Variants in FIP1L1 observed in about 807,000 individuals in gnomAD.
FIP1L1 encodes pre-mRNA 3'-end-processing factor FIP1.
A neutral mutation model predicts 84.6 loss-of-function variants in FIP1L1; 21 were observed. The ratio of observed to expected loss-of-function variants is 0.25; its 90% confidence interval spans 0.18 to 0.36. The LOEUF (loss-of-function observed/expected upper bound fraction) is 0.36. Among genes scored for constraint, FIP1L1 ranks in the 10% least tolerant of loss-of-function variants. The pLI is 1.00. For synonymous variants in FIP1L1, 263 were observed against 242.3 expected, an observed-to-expected ratio of 1.09 and a Z score of -0.80; for missense variants, 526 against 751.1, an observed-to-expected ratio of 0.70 and a Z score of 3.50.
chr4:53,413,411 G>A (rs1006039745), intron 10 of FIP1L1, among the ~76,000 whole-genome samples: 1 of 152,058 alleles, frequency 6.6e-6, no homozygotes, highest in Admixed American at 6.5e-5. Flanking sequence ...AAATTTCCAT[G>A]TGTGTTTTTT....
At position 53,403,550 on chromosome 4, in the gene FIP1L1, A is replaced by C. The variant is rs568061796; in HGVS notation, c.815+3711A>C. Among the ~76,000 whole-genome samples the C allele has an allele frequency of 2.0e-5, 3 of 152,146 alleles. No individual in the cohort carries two copies. In the South Asian group the frequency reaches 6.2e-4, roughly 32 times the overall value. Reference sequence around the variant, plus strand: ...AAAATCCGTGCTTCGGATTTGACAAACTCTTGGAAAGCATTTTCTGTATCC... The same window carrying C: ...AAAATCCGTGCTTCGGATTTGACAACCTCTTGGAAAGCATTTTCTGTATCC... On this transcript the variant is annotated intron_variant, in intron 10 of 17. Coordinates refer to ENST00000337488, the MANE Select transcript of FIP1L1 (RefSeq NM_030917.4).
At chr4:53,377,985 C>G (rs749549241) in intron 1 of FIP1L1, 62 bp downstream of exon 1, 247 of 1,388,446 alleles carry the variant, frequency 1.8e-4, no homozygotes, top group Non-Finnish European at 2.2e-4. Flanking sequence ...GGCCCTCAAA[C>G]GGCCGGCGTC....
intron 13 of FIP1L1, among the ~76,000 whole-genome samples, chr4:53,430,657 T>TGG (rs1766248759): frequency 6.6e-6 from 1 of 152,146 alleles, no homozygotes; most frequent in Non-Finnish European, 1.5e-5. Context: ...CATGTAACCT[T>TGG]TGTTCATAAG....
chr4:53,445,435 A>T (rs1188474850), intron 15 of FIP1L1, among the ~76,000 whole-genome samples: 1 of 152,162 alleles, frequency 6.6e-6, no homozygotes, highest in East Asian at 1.9e-4. Flanking sequence ...CAAGAGAGAA[A>T]AGAACAAGTT....
intron 13 of FIP1L1, chr4:53,440,515 A>G: frequency 9.1e-6 from 9 of 986,714 alleles, no homozygotes; most frequent in Non-Finnish European, 1.4e-5. Flanking sequence ...TGTTTTGGTG[A>G]TGGCATAAAT....
At chr4:53,429,872 T>C (rs186653622) in intron 13 of FIP1L1, among the ~76,000 whole-genome samples, 34 of 152,326 alleles carry the variant, frequency 2.2e-4, no homozygotes, top group Non-Finnish European at 4.4e-4. Context: ...CACCATGCTG[T>C]ACAGTAGAGC....
chr4:53,399,232 G>A (rs1293238831), intron 9 of FIP1L1, among the ~76,000 whole-genome samples: 3 of 152,192 alleles, frequency 2.0e-5, no homozygotes, highest in African/African-American at 7.2e-5. Context: ...TGGGAAAATG[G>A]GAGAAATTGT....
intron 4 of FIP1L1, 107 bp from the exon 5 acceptor site, chr4:53,383,666 C>G: frequency 2.7e-6 from 3 of 1,115,580 alleles, no homozygotes; most frequent in South Asian, 1.7e-5. Context: ...TGTCTCAAGA[C>G]AGAAGAAAGA....
chr4:53,381,502 A>G (rs550268675), intron 3 of FIP1L1, among the ~76,000 whole-genome samples: 1 of 152,312 alleles, frequency 6.6e-6, no homozygotes, highest in Admixed American at 6.5e-5. Flanking sequence ...CTGAACAATT[A>G]TAGCTGCATA....
At chr4:53,445,892 G>A (rs1333662464) in intron 15 of FIP1L1, among the ~76,000 whole-genome samples, 1 of 152,112 alleles carries the variant, frequency 6.6e-6, no homozygotes, top group Admixed American at 6.6e-5. Context: ...GGATGTTTTG[G>A]GGTGACATAT....
intron 10 of FIP1L1, among the ~76,000 whole-genome samples, chr4:53,402,025 G>A (rs1431227853): frequency 1.3e-5 from 2 of 152,164 alleles, no homozygotes; most frequent in Admixed American, 1.3e-4. Context: ...TAACTAGTAA[G>A]AGGAGACCAT....
Position 53,405,090 on chromosome 4 carries a change from G to A in FIP1L1, c.815+5251G>A, listed in dbSNP as rs1322004531. 6.1e-4 allele frequency among the ~76,000 whole-genome samples: 93 copies of A among 151,994 alleles called. 1 individual carries two copies. Among genetic ancestry groups the A allele is most frequent in the East Asian group, 3.5e-3 (18 of 5,178 alleles). On this transcript the variant is annotated intron_variant, in intron 10 of 17. Coordinates refer to ENST00000337488, the MANE Select transcript of FIP1L1 (RefSeq NM_030917.4). ...AGACATGAAGTCCTTGCCCATGCCT[G>A]TGTCCTGAATGGTAATGCCTAGGTT...
chr4:53,423,625 C>T lies in FIP1L1; in HGVS notation c.924-2247C>T, dbSNP rs527805049. On this transcript the variant is annotated intron_variant, in intron 11 of 17. Transcript: ENST00000337488. ...TATCATAAAACATTTTGGAACAAAA[C>T]GGTAAGCTTAATTTATATGATTAAA... Among the ~76,000 whole-genome samples the T allele has an allele frequency of 1.2e-3, 190 of 152,156 alleles. 1 individual carries two copies. Among genetic ancestry groups the T allele is most frequent in the Non-Finnish European group, 1.1e-3 (78 of 67,990 alleles).
chr4:53,411,304 A>G (rs544388969), intron 10 of FIP1L1, among the ~76,000 whole-genome samples: 18 of 152,292 alleles, frequency 1.2e-4, no homozygotes, highest in African/African-American at 4.3e-4. Flanking sequence ...TATCACTACT[A>G]AAAAACGAAA....
intron 13 of FIP1L1, among the ~76,000 whole-genome samples, chr4:53,433,283 C>T (rs926779253): frequency 2.6e-5 from 4 of 152,214 alleles, no homozygotes; most frequent in African/African-American, 9.7e-5. Context: ...GCCCACTAAA[C>T]TCCTTCCCTC....
intron 10 of FIP1L1, among the ~76,000 whole-genome samples, chr4:53,409,564 G>A (rs1292723446): frequency 6.6e-6 from 1 of 152,212 alleles, no homozygotes; most frequent in Non-Finnish European, 1.5e-5. Flanking sequence ...GATTACTTCT[G>A]TCTTTTTGTC....
intron 15 of FIP1L1, among the ~76,000 whole-genome samples, chr4:53,447,573 G>A (rs1429455938): frequency 6.6e-6 from 1 of 152,130 alleles, no homozygotes; most frequent in Non-Finnish European, 1.5e-5. Flanking sequence ...TTATGAATGT[G>A]TAAATATTGT....
chr4:53,440,483 C>T (rs1173635458), intron 13 of FIP1L1: 10 of 690,776 alleles, frequency 1.4e-5, no homozygotes, highest in South Asian at 3.7e-5. Context: ...GATAATGAGG[C>T]GAGGGGTTTT....
chr4:53,438,466 T>G (rs1343914158), intron 13 of FIP1L1, among the ~76,000 whole-genome samples: 2 of 152,208 alleles, frequency 1.3e-5, no homozygotes, highest in Non-Finnish European at 2.9e-5. Flanking sequence ...TTCATCAACT[T>G]TATAGTCTTG....
Sources: gnomAD v4.1 joint callset for allele counts (sites outside exome capture counted in the v4.1 genomes callset) on GRCh38, gnomAD v4.1.1 for gene constraint, MANE v1.5 for transcripts, NCBI Gene and HGNC (gene_info 2026-07-23, HGNC 2026-07-21) for gene names.